The following SLC35F3 variants were observed in gnomAD, a reference collection of about 807,000 sequenced individuals.
SLC35F3 encodes solute carrier family 35 member F3, also known as putative thiamine transporter SLC35F3.
In SLC35F3, 25 loss-of-function variants were observed where a neutral mutation model predicts 49.9. The observed-to-expected ratio is 0.50, with a 90% CI of 0.37 to 0.70. The LOEUF (loss-of-function observed/expected upper bound fraction) is 0.70, where lower values mean the gene tolerates loss of function less well. Among genes scored for constraint, SLC35F3 ranks in the 30% least tolerant of loss-of-function variants. The pLI is 0.00. For synonymous variants in SLC35F3, 275 were observed against 265.4 expected, an observed-to-expected ratio of 1.04 and a Z score of -0.35; for missense variants, 525 against 639.8, an observed-to-expected ratio of 0.82 and a Z score of 1.94.
intron 2 of SLC35F3, among the ~76,000 whole-genome samples, chr1:234,222,123 C>G (rs1288279269): frequency 6.6e-6 from 1 of 152,172 alleles, no homozygotes; most frequent in African/African-American, 2.4e-5. Context: ...CAACTTGCTC[C>G]ATGAGACAGA....
chr1:234,223,396 A>G (rs1303031013), intron 2 of SLC35F3, among the ~76,000 whole-genome samples: 3 of 152,102 alleles, frequency 2.0e-5, no homozygotes, highest in African/African-American at 7.2e-5. Flanking sequence ...TCCAGCCCCA[A>G]AAGGCAACTT....
chr1:234,164,135 C>G (rs985892501), intron 2 of SLC35F3, among the ~76,000 whole-genome samples: 1 of 151,484 alleles, frequency 6.6e-6, no homozygotes, highest in African/African-American at 2.4e-5. Flanking sequence ...CTCTCCTTCT[C>G]TTTTTCTCTT....
chr1:233,941,954 G>GGT (rs1662429908), intron 2 of SLC35F3, among the ~76,000 whole-genome samples: 1 of 120,176 alleles, frequency 8.3e-6, no homozygotes, highest in South Asian at 2.8e-4. Context: ...GTTGTTTTTT[G>GGT]TTTTTTTGTT....
intron 2 of SLC35F3, among the ~76,000 whole-genome samples, chr1:234,015,582 G>C (rs1164926695): frequency 6.6e-6 from 1 of 152,070 alleles, no homozygotes; most frequent in South Asian, 2.1e-4. Context: ...TTCAATAAAG[G>C]GTGTTGGGAA....
intron 2 of SLC35F3, among the ~76,000 whole-genome samples, chr1:234,167,864 T>C (rs1251345334): frequency 6.6e-6 from 1 of 152,182 alleles, no homozygotes; most frequent in Non-Finnish European, 1.5e-5. Context: ...CTGTCTTGCC[T>C]CCCAGCCCAT....
chr1:234,108,496 T>C (rs192068716), intron 2 of SLC35F3, among the ~76,000 whole-genome samples: 2,739 of 108,026 alleles, frequency 0.025, 63 homozygotes, highest in Non-Finnish European at 0.038. Flanking sequence ...AGATATATAT[T>C]ATTTATATAT....
At chr1:233,916,474 G>T (rs1661974141) in intron 2 of SLC35F3, among the ~76,000 whole-genome samples, 1 of 152,118 alleles carries the variant, frequency 6.6e-6, no homozygotes, top group South Asian at 2.1e-4. Flanking sequence ...GCCTCACTAT[G>T]TTGCCCATGC....
chr1:234,192,910 A>G (rs6675859), intron 2 of SLC35F3, among the ~76,000 whole-genome samples: 8,553 of 152,294 alleles, frequency 0.056, 673 homozygotes, highest in African/African-American at 0.18. Flanking sequence ...AGCCATCTAC[A>G]AGGAAAACTA....
At chr1:234,322,650 C>CATGT (rs941755457) in intron 7 of SLC35F3, among the ~76,000 whole-genome samples, 32 of 144,968 alleles carry the variant, frequency 2.2e-4, no homozygotes, top group African/African-American at 7.7e-4. Flanking sequence ...GGGTCAAATG[C>CATGT]GTGTGTGTGT....
intron 2 of SLC35F3, among the ~76,000 whole-genome samples, chr1:233,965,512 G>T (rs1489211484): frequency 6.6e-6 from 1 of 152,194 alleles, no homozygotes; most frequent in Non-Finnish European, 1.5e-5. Context: ...GACTCTCCTT[G>T]CTGGCTGGAT....
At chr1:234,311,961 G>A (rs942438156) in intron 4 of SLC35F3, among the ~76,000 whole-genome samples, 1 of 152,218 alleles carries the variant, frequency 6.6e-6, no homozygotes, top group Non-Finnish European at 1.5e-5. Flanking sequence ...ACAGTTGTGA[G>A]AATAAGATGA....
intron 2 of SLC35F3, among the ~76,000 whole-genome samples, chr1:233,956,806 G>A (rs369573076): frequency 2.6e-5 from 4 of 152,354 alleles, no homozygotes; most frequent in East Asian, 3.9e-4. Flanking sequence ...TGAGAATGGC[G>A]GAGGCGGGTA....
At chr1:233,943,083 CAAAT>C (rs1662454755) in intron 2 of SLC35F3, among the ~76,000 whole-genome samples, 1 of 152,210 alleles carries the variant, frequency 6.6e-6, no homozygotes, top group Non-Finnish European at 1.5e-5. Context: ...TGTTCATTGA[CAAAT>C]GAATGGAGGC....
chr1:234,199,055 C>CAAA lies in SLC35F3; in HGVS notation c.284-32348_284-32346dup, dbSNP rs58267652. On this transcript the variant is annotated intron_variant, in intron 2 of 7. Coordinates refer to ENST00000366618, the MANE Select transcript of SLC35F3 (RefSeq NM_173508.4). ...GCAACATAGTGAGTCCTTATTTCTA[C>CAAA]AAAAAAAAAAAAAAAATTAAAAACT... Among the ~76,000 whole-genome samples the CAAA allele has an allele frequency of 5.7e-3, 782 of 137,758 alleles. 25 individuals are homozygous for CAAA. In the East Asian group the frequency reaches 0.092, roughly 16 times the overall value. 90.4% of individuals were successfully genotyped at this position (137,758 alleles called of 152,430 possible). A position where few individuals can be genotyped will look rare whatever the true frequency, so the allele number is the denominator to read the frequency against.
rs142256192 is a variant in SLC35F3, at chr1:234,088,269, G to A, written c.284-143148G>A. ...CTCGCCCAGGCTGCAGTACAGTGGC[G>A]CGATCTCGGCTCACTGCAACCTCCA... On this transcript the variant is annotated intron_variant, in intron 2 of 7. Coordinates refer to ENST00000366618, the MANE Select transcript of SLC35F3 (RefSeq NM_173508.4). Among the ~76,000 whole-genome samples the A allele has an allele frequency of 4.6e-3, 697 of 152,248 alleles. 4 individuals carry two copies. Among genetic ancestry groups the A allele is most frequent in the African/African-American group, 0.015 (622 of 41,546 alleles).
At chr1:234,185,811 A>G (rs1022089319) in intron 2 of SLC35F3, among the ~76,000 whole-genome samples, 1 of 152,182 alleles carries the variant, frequency 6.6e-6, no homozygotes, top group Non-Finnish European at 1.5e-5. Flanking sequence ...CTGTGCCAAT[A>G]ATGCATTGAT....
At chr1:233,997,299 T>C (rs1663477344) in intron 2 of SLC35F3, among the ~76,000 whole-genome samples, 1 of 152,148 alleles carries the variant, frequency 6.6e-6, no homozygotes, top group Non-Finnish European at 1.5e-5. Context: ...TAATGATCAT[T>C]TGAGTTTTAA....
intron 3 of SLC35F3, among the ~76,000 whole-genome samples, chr1:234,278,911 A>C (rs945341092): frequency 6.6e-6 from 1 of 152,146 alleles, no homozygotes; most frequent in East Asian, 1.9e-4. Context: ...TCAACATATG[A>C]ATTTTGGCGG....
chr1:234,074,082 C>T (rs1053841524), intron 2 of SLC35F3, among the ~76,000 whole-genome samples: 2 of 152,158 alleles, frequency 1.3e-5, no homozygotes, highest in African/African-American at 2.4e-5. Context: ...TTTTAAGAAA[C>T]GTCCCTCTTG....
Sources: gnomAD v4.1 joint callset for allele counts (sites outside exome capture counted in the v4.1 genomes callset) on GRCh38, gnomAD v4.1.1 for gene constraint, MANE v1.5 for transcripts, NCBI Gene and HGNC (gene_info 2026-07-23, HGNC 2026-07-21) for gene names.